SLMAP: variants seen among roughly 807,000 people sequenced by gnomAD.
SLMAP encodes sarcolemmal membrane-associated protein.
SLMAP carries 44 observed loss-of-function variants against 128.8 expected under a neutral mutation model. That is an observed-to-expected ratio of 0.34 (90% CI 0.27 to 0.44). The LOEUF (loss-of-function observed/expected upper bound fraction) is 0.44, where lower values mean the gene tolerates loss of function less well. Among genes scored for constraint, SLMAP ranks in the 20% least tolerant of loss-of-function variants. SLMAP has a pLI of 1.00. For missense variants in SLMAP, 787 were observed against 985.3 expected (o/e 0.80, Z 2.69); for synonymous variants, 327 against 348.8 (o/e 0.94, Z 0.70).
chr3:57,916,635 A>G (rs1016542552), intron 21 of SLMAP, among the ~76,000 whole-genome samples: 5 of 152,254 alleles, frequency 3.3e-5, no homozygotes, highest in Non-Finnish European at 7.3e-5. Context: ...ACAATTTGAT[A>G]CAACAAAATA....
chr3:57,854,664 T>G (rs1311221648), intron 6 of SLMAP, among the ~76,000 whole-genome samples: 1 of 152,138 alleles, frequency 6.6e-6, no homozygotes. Context: ...TAAAAGCTAT[T>G]TCTATTTTGG....
chr3:57,846,527 T>C (rs917223383), intron 4 of SLMAP, among the ~76,000 whole-genome samples: 1 of 152,044 alleles, frequency 6.6e-6, no homozygotes, highest in Non-Finnish European at 1.5e-5. Flanking sequence ...GAACATAATT[T>C]ACATATTTCA....
At chr3:57,817,116 T>C (rs561254087) in intron 2 of SLMAP, among the ~76,000 whole-genome samples, 11 of 152,272 alleles carry the variant, frequency 7.2e-5, no homozygotes, top group African/African-American at 2.4e-4. Context: ...TGATCAGGTT[T>C]GTGTTTTAGG....
At chr3:57,806,203 C>T (rs760041920) in intron 2 of SLMAP, among the ~76,000 whole-genome samples, 1 of 151,996 alleles carries the variant, frequency 6.6e-6, no homozygotes, top group Non-Finnish European at 1.5e-5. Flanking sequence ...GCTCTCCCTC[C>T]CTTCGCCCCC....
intron 13 of SLMAP, among the ~76,000 whole-genome samples, chr3:57,871,244 A>G (rs1408327906): frequency 6.6e-6 from 1 of 152,234 alleles, no homozygotes; most frequent in African/African-American, 2.4e-5. Context: ...CTCTTAACTA[A>G]GATGAATAGC....
intron 2 of SLMAP, among the ~76,000 whole-genome samples, chr3:57,797,721 C>T (rs1011412506): frequency 6.6e-6 from 1 of 151,956 alleles, no homozygotes; most frequent in Non-Finnish European, 1.5e-5. Flanking sequence ...AATAGGAAAC[C>T]TGAGTTTAGT....
intron 17 of SLMAP, chr3:57,898,565 G>A (rs936237832): frequency 2.6e-5 from 4 of 152,148 alleles, no homozygotes; most frequent in Non-Finnish European, 5.9e-5. Context: ...ATTGAGTATA[G>A]TGTTTATGAT....
intron 22 of SLMAP, among the ~76,000 whole-genome samples, chr3:57,920,185 G>A (rs1453570705): frequency 2.0e-5 from 3 of 152,238 alleles, no homozygotes; most frequent in South Asian, 4.1e-4. Flanking sequence ...ACTTTGCCTT[G>A]GCAGTATGCC....
chr3:57,890,699 G>T (rs2096042049), intron 15 of SLMAP: 1 of 152,276 alleles, frequency 6.6e-6, no homozygotes, highest in East Asian at 1.9e-4. Context: ...GCACCATATT[G>T]TCAAGTCACT....
intron 5 of SLMAP, 32 bp downstream of exon 5, chr3:57,847,265 G>A (rs1330557455): frequency 6.4e-7 from 1 of 1,552,652 alleles, no homozygotes; most frequent in Admixed American, 1.7e-5. Flanking sequence ...TTTCCAAACT[G>A]ACTCAGCTAT....
Position 57,847,840 on chromosome 3 carries a change from A to G in SLMAP, c.456+607A>G, listed in dbSNP as rs567599755. On this transcript the variant is annotated intron_variant, in intron 5 of 24. Coordinates refer to ENST00000671191, the MANE Select transcript of SLMAP (RefSeq NM_001377540.1). The stretch of plus-strand genomic sequence containing the variant: ...TAGTGCAGTAACTAAACTAGTGGAA[A>G]AAATATTTTATGTTTTTCTTCCATT... Among the ~76,000 whole-genome samples, 329 of 152,312 alleles carry G rather than the reference A, an allele frequency of 2.2e-3. 1 individual carries two copies. Among genetic ancestry groups the G allele is most frequent in the African/African-American group, 7.7e-3 (319 of 41,574 alleles).
chr3:57,778,154 A>G (rs947934792), intron 2 of SLMAP, among the ~76,000 whole-genome samples: 2 of 152,184 alleles, frequency 1.3e-5, no homozygotes, highest in East Asian at 1.9e-4. Context: ...TATAAGTTCA[A>G]TTTCTTTAAT....
At chr3:57,925,803 T>C in intron 23 of SLMAP, 42 bp from the exon 24 acceptor site, 1 of 1,411,338 alleles carries the variant, frequency 7.1e-7, no homozygotes, top group Non-Finnish European at 9.8e-7. Context: ...TCTGATTACT[T>C]TCATAGCATA....
chr3:57,796,325 TC>T (rs1275918840), intron 2 of SLMAP, among the ~76,000 whole-genome samples: 1 of 152,212 alleles, frequency 6.6e-6, no homozygotes, highest in Non-Finnish European at 1.5e-5. Context: ...GTAATAAACT[TC>T]CAGGAGACTT....
intron 2 of SLMAP, among the ~76,000 whole-genome samples, chr3:57,818,146 TTTTTG>T (rs773534382): frequency 1.0e-4 from 15 of 146,690 alleles, no homozygotes; most frequent in Non-Finnish European, 1.5e-4. Context: ...CCTGATTTCT[TTTTTG>T]TTTTGTTTTG....
At position 57,907,921 on chromosome 3, in the gene SLMAP, G is replaced by A; in HGVS notation, c.1539G>A (p.Lys513=). The A allele has an allele frequency of 5.0e-6, 8 of 1,613,940 alleles. No homozygotes were observed. Among genetic ancestry groups the A allele is most frequent in the Non-Finnish European group, 6.8e-6 (8 of 1,179,864 alleles). ...GTGCACAGTCAGAAATTGAGGCAAA[G>A]CAAGAAATACAGCATCTTCGAAAGG... ...LQGAQSEIEA[K]QEIQHLRKEL... is the part of the protein sequence containing the mutation. The change falls in exon 18 of 25, where the codon AAG becomes AAA. Residue 513 remains lysine, a synonymous_variant. Transcript: ENST00000671191.
chr3:57,835,619 AG>A (rs1352238972), intron 3 of SLMAP, among the ~76,000 whole-genome samples: 1 of 152,190 alleles, frequency 6.6e-6, no homozygotes, highest in Non-Finnish European at 1.5e-5. Flanking sequence ...CTGAATAACC[AG>A]AGATACTGAA....
chr3:57,906,310 C>CTTCTTTTTTTTTTTTTTTTTTTTTTTT (rs2096548251), intron 17 of SLMAP, among the ~76,000 whole-genome samples: 1 of 47,048 alleles, frequency 2.1e-5, no homozygotes, highest in Admixed American at 2.8e-4. Flanking sequence ...CTTTTTTTTT[C>CTTCTTTTTTTTTTTTTTTTTTTTTTTT]TTTTTTTTTT....
At chr3:57,901,837 G>C (rs1359586217) in intron 17 of SLMAP, 2 of 152,156 alleles carry the variant, frequency 1.3e-5, no homozygotes, top group Admixed American at 1.3e-4. Context: ...TTCGAACCTA[G>C]CTTGGCCATC....
Sources: allele counts gnomAD v4.1 joint callset (sites outside exome capture counted in the v4.1 genomes callset), GRCh38; gene constraint gnomAD v4.1.1; transcripts MANE v1.5; gene names NCBI Gene and HGNC (gene_info 2026-07-23, HGNC 2026-07-21).